The following ARHGEF38 variants were observed in gnomAD, a reference collection of about 807,000 sequenced individuals.
ARHGEF38 encodes the protein Rho guanine nucleotide exchange factor (GEF) 38.
ARHGEF38 carries 79 observed loss-of-function variants against 79.9 expected under a neutral mutation model. The ratio of observed to expected loss-of-function variants is 0.99; its 90% CI spans 0.82 to 1.19. ARHGEF38 has a LOEUF of 1.19. Among genes scored for constraint, ARHGEF38 ranks in the 50% most tolerant of loss-of-function variants. The pLI is 0.00. For synonymous variants in ARHGEF38, 366 were observed against 328.3 expected (o/e 1.11, Z -1.24); for missense variants, 962 against 907.2 (o/e 1.06, Z -0.78).
At chr4:105,609,793 G>A (rs7666969) in intron 2 of ARHGEF38, among the ~76,000 whole-genome samples, 12,194 of 152,142 alleles carry the variant, frequency 0.08, 580 homozygotes, top group African/African-American at 0.13. Flanking sequence ...TAAATTGCCA[G>A]TTGAAACACT....
chr4:105,651,300 G>A (rs1028635472), intron 7 of ARHGEF38, among the ~76,000 whole-genome samples: 14 of 152,184 alleles, frequency 9.2e-5, no homozygotes, highest in African/African-American at 3.4e-4. Context: ...TAGGCTGGAC[G>A]GGAAAAGAGA....
intron 1 of ARHGEF38, among the ~76,000 whole-genome samples, chr4:105,567,571 A>G (rs1349567380): frequency 6.6e-6 from 1 of 152,228 alleles, no homozygotes; most frequent in Non-Finnish European, 1.5e-5. Context: ...GGAGAAGTAC[A>G]TAGACATCAG....
intron 10 of ARHGEF38, among the ~76,000 whole-genome samples, chr4:105,665,832 T>C (rs551276792): frequency 3.1e-4 from 47 of 152,334 alleles, no homozygotes; most frequent in African/African-American, 1.1e-3. Flanking sequence ...TCTTAATCAG[T>C]GCTCCTTCTT....
intron 1 of ARHGEF38, among the ~76,000 whole-genome samples, chr4:105,586,014 A>G (rs1238183071): frequency 6.6e-6 from 1 of 152,060 alleles, no homozygotes; most frequent in Non-Finnish European, 1.5e-5. Flanking sequence ...TACAGGCATG[A>G]GCCACTGCGC....
chr4:105,647,888 AT>A (rs769532644), intron 6 of ARHGEF38, among the ~76,000 whole-genome samples: 6,061 of 119,514 alleles, frequency 0.051, 113 homozygotes, highest in Middle Eastern at 0.15. Flanking sequence ...TTTCTTTTCT[AT>A]TTTTTTTTTT....
At chr4:105,608,946 T>G (rs1011673699) in intron 2 of ARHGEF38, among the ~76,000 whole-genome samples, 37 of 152,102 alleles carry the variant, frequency 2.4e-4, no homozygotes, top group African/African-American at 8.2e-4. Flanking sequence ...TGTATTCTCT[T>G]GTTTCACAAG....
At chr4:105,642,874 C>T (rs1729678443) in intron 5 of ARHGEF38, among the ~76,000 whole-genome samples, 1 of 151,956 alleles carries the variant, frequency 6.6e-6, no homozygotes, top group Non-Finnish European at 1.5e-5. Context: ...AATAAGTTAG[C>T]ATTTGATAAT....
At chr4:105,618,753 C>A (rs895403477) in intron 3 of ARHGEF38, among the ~76,000 whole-genome samples, 2 of 152,202 alleles carry the variant, frequency 1.3e-5, no homozygotes, top group African/African-American at 2.4e-5. Context: ...ATATACTTTT[C>A]ATAGTCTCAA....
chr4:105,677,665 T>C lies in ARHGEF38; in HGVS notation c.2149-87T>C, dbSNP rs142265027. 575 of 1,244,936 alleles carry C rather than the reference T, an allele frequency of 4.6e-4. 8 individuals are homozygous for C. In the East Asian group the frequency reaches 0.015, roughly 32 times the overall value. The allele number at this position is 1,244,936 out of a possible 1,614,324, so 77.1% of individuals were successfully genotyped here. On this transcript the variant is annotated intron_variant, in intron 13 of 13. Transcript: ENST00000420470. ...TTGGCAAAACAAAAAAACTTTAGCA[T>C]TGCTTCTAAAAGCTTGGAAACTTTT...
At chr4:105,575,013 TAC>T (rs3056772) in intron 1 of ARHGEF38, among the ~76,000 whole-genome samples, 113,254 of 149,230 alleles carry the variant, frequency 0.76, 44,427 homozygotes, top group South Asian at 0.91. Context: ...CACACATATA[TAC>T]ACACACACAC....
Position 105,677,820 on chromosome 4 carries a change from A to C in ARHGEF38, c.2217A>C (p.Arg739Ser), listed in dbSNP as rs1457167883. The C allele has an allele frequency of 6.5e-7, 1 of 1,534,614 alleles. No homozygotes were observed. Among genetic ancestry groups the C allele is most frequent in the Admixed American group, 2.0e-5 (1 of 50,968 alleles). Residue 739 changes from arginine to serine, a missense_variant, in exon 14 of 14, where the codon AGA becomes AGC. By Grantham distance (110) the Arg-to-Ser change is moderately radical. Coordinates refer to ENST00000420470, the MANE Select transcript of ARHGEF38 (RefSeq NM_001242729.2). ...DHELSLQEYQRVHILRFCDLS... is the reference protein window; with the variant it reads ...DHELSLQEYQSVHILRFCDLS... The stretch of plus-strand genomic sequence containing the variant: ...AACTCAGCCTTCAGGAATACCAGAG[A>C]GTTCATATACTCAGGTTTTGTGACC...
intron 13 of ARHGEF38, among the ~76,000 whole-genome samples, chr4:105,677,195 C>T (rs1578371748): frequency 6.6e-6 from 1 of 152,098 alleles, no homozygotes; most frequent in Non-Finnish European, 1.5e-5. Context: ...GTACTACTGA[C>T]CTCGTGATCC....
chr4:105,609,656 T>G (rs1215917327), intron 2 of ARHGEF38, among the ~76,000 whole-genome samples: 1 of 152,070 alleles, frequency 6.6e-6, no homozygotes, highest in Admixed American at 6.6e-5. Flanking sequence ...AAAGCAACCT[T>G]GAGCAAAATG....
intron 1 of ARHGEF38, among the ~76,000 whole-genome samples, chr4:105,571,769 T>C (rs1309489320): frequency 1.3e-5 from 2 of 152,180 alleles, no homozygotes; most frequent in Non-Finnish European, 2.9e-5. Context: ...GGCAGATGAG[T>C]ATTCATCAAT....
chr4:105,561,442 A>C (rs1286038727), intron 1 of ARHGEF38: 2 of 67,784 alleles, frequency 3.0e-5, no homozygotes, highest in Admixed American at 3.4e-4. Context: ...ATAGAATAGA[A>C]TAGAATGGAA....
chr4:105,597,761 A>G (rs1727645760), intron 2 of ARHGEF38, among the ~76,000 whole-genome samples: 1 of 152,196 alleles, frequency 6.6e-6, no homozygotes, highest in African/African-American at 2.4e-5. Context: ...GTTTTGCAGG[A>G]TGTTAGCCTT....
At chr4:105,622,856 C>T (rs763050955) in intron 3 of ARHGEF38, among the ~76,000 whole-genome samples, 1 of 152,156 alleles carries the variant, frequency 6.6e-6, no homozygotes, top group Non-Finnish European at 1.5e-5. Flanking sequence ...CTATTTTGCA[C>T]ACATGTTATT....
chr4:105,630,576 A>G (rs1729141544), intron 3 of ARHGEF38, among the ~76,000 whole-genome samples: 1 of 151,832 alleles, frequency 6.6e-6, no homozygotes, highest in African/African-American at 2.4e-5. Context: ...CTGCACATCA[A>G]CCTTGTGTGT....
intron 2 of ARHGEF38, among the ~76,000 whole-genome samples, chr4:105,600,115 T>C (rs1727758958): frequency 6.6e-6 from 1 of 152,224 alleles, no homozygotes; most frequent in Non-Finnish European, 1.5e-5. Context: ...GCCTATTGCA[T>C]GCAGTGCCTG....
Sources: allele counts gnomAD v4.1 joint callset (sites outside exome capture counted in the v4.1 genomes callset), GRCh38; gene constraint gnomAD v4.1.1; transcripts MANE v1.5; gene names NCBI Gene and HGNC (gene_info 2026-07-23, HGNC 2026-07-21).